The following CFAP46 variants were observed in gnomAD, a reference collection of about 807,000 sequenced individuals.
CFAP46 encodes cilia- and flagella-associated protein 46.
A neutral mutation model predicts 325.7 loss-of-function variants in CFAP46; 245 were observed. The ratio of observed to expected loss-of-function variants is 0.75; its 90% CI spans 0.68 to 0.84. CFAP46 has a LOEUF of 0.84. Ranked by LOEUF, CFAP46 falls within the 40% of genes least tolerant of loss-of-function variation. The probability of loss-of-function intolerance (pLI) is 0.00; values close to 1 mark genes in which losing one functional copy is unlikely to be tolerated. For synonymous variants in CFAP46, 1,523 were observed against 1,495.9 expected (o/e 1.02, Z -0.42); for missense variants, 3,346 against 3,543.0 (o/e 0.94, Z 1.41).
Position 132,822,394 on chromosome 10 carries a change from CTGA to C in CFAP46, c.7118-7483_7118-7481del, listed in dbSNP as rs372767615. Among the ~76,000 whole-genome samples the C allele has an allele frequency of 3.6e-3, 471 of 130,664 alleles. No homozygotes were observed. The South Asian group carries it at 0.047, about 13-fold the overall frequency. The allele number at this position is 130,664 out of a possible 152,430, so 85.7% of individuals were successfully genotyped here. Reference sequence around the variant, plus strand: ...TGTGCTGTGTGTGTGCTGATGTGTGCTGATGTGTGCACTGTATGCTGTGTGTGT... The same window carrying C: ...TGTGCTGTGTGTGTGCTGATGTGTGCTGTGTGCACTGTATGCTGTGTGTGT... On this transcript the variant is annotated intron_variant, in intron 50 of 57. Coordinates refer to ENST00000368586, the MANE Select transcript of CFAP46 (RefSeq NM_001200049.3).
intron 40 of CFAP46, 45 bp from the exon 41 acceptor site, chr10:132,850,477 C>A: frequency 6.7e-7 from 1 of 1,489,940 alleles, no homozygotes; most frequent in Non-Finnish European, 9.0e-7. Context: ...CAAGGGCAAC[C>A]GCCCACCCTG....
chr10:132,912,313 TCTC>T (rs1411709449), intron 19 of CFAP46, among the ~76,000 whole-genome samples: 3 of 84,196 alleles, frequency 3.6e-5, no homozygotes, highest in Non-Finnish European at 6.5e-5. Flanking sequence ...CTTTCTCCTG[TCTC>T]TTCTCCTCTC....
rs562945134 is a variant in CFAP46, at chr10:132,810,117, A to G, written c.7664+292T>C. 6.0e-4 allele frequency among the ~76,000 whole-genome samples: 91 copies of G among 152,320 alleles called. 1 individual carries two copies. Among genetic ancestry groups the G allele is most frequent in the African/African-American group, 2.0e-3 (82 of 41,582 alleles). On this transcript the variant is annotated intron_variant, in intron 57 of 57. Coordinates refer to ENST00000368586, the MANE Select transcript of CFAP46 (RefSeq NM_001200049.3). ...GGGGATTGTGTGACTGGAGCTGTCAACGAGGAACCGTGATGCTTTCCCTCT... is the reference window on the plus strand; with the variant it reads ...GGGGATTGTGTGACTGGAGCTGTCAGCGAGGAACCGTGATGCTTTCCCTCT...
At chr10:132,855,160 G>A (rs73391281) in intron 39 of CFAP46, among the ~76,000 whole-genome samples, 12,097 of 95,326 alleles carry the variant, frequency 0.13, 1,234 homozygotes, top group African/African-American at 0.37. Context: ...CTATTTCTCC[G>A]TTGCAATTTT....
chr10:132,917,098 C>T (rs753620218), intron 16 of CFAP46, among the ~76,000 whole-genome samples: 9 of 152,242 alleles, frequency 5.9e-5, no homozygotes, highest in Admixed American at 2.0e-4. Flanking sequence ...GCCCCGTGGC[C>T]GCCGCTGGCT....
chr10:132,838,889 G>A (rs977869675), intron 44 of CFAP46, among the ~76,000 whole-genome samples: 2 of 152,252 alleles, frequency 1.3e-5, no homozygotes, highest in African/African-American at 2.4e-5. Flanking sequence ...CCCACTGGCC[G>A]TGTCCTCCTT....
rs1565028960 is a variant in CFAP46, at chr10:132,808,539, C to CGACGCA, written c.8024_8029dup (p.Leu2675_Arg2676dup). On this transcript the variant is annotated inframe_insertion, in exon 58 of 58. Coordinates refer to ENST00000368586, the MANE Select transcript of CFAP46 (RefSeq NM_001200049.3). This position sits in a 1 kb window ranked among gnomAD's most constrained non-coding sequence, Gnocchi z 6.8. Reference sequence around the variant, plus strand: ...CCGGGAAGAGACGCAGCTCCAGCCCCGACGCAGACCCCATGGCGCACACAG... The same window carrying CGACGCA: ...CCGGGAAGAGACGCAGCTCCAGCCCCGACGCAGACGCAGACCCCATGGCGCACACAG... 1 of 1,613,024 alleles carries CGACGCA rather than the reference C, an allele frequency of 6.2e-7. No individual in the cohort carries two copies. The highest frequency in any genetic ancestry group is 1.1e-5 in the South Asian group (1 of 91,074).
chr10:132,835,884 C>G (rs1172267085), intron 46 of CFAP46, among the ~76,000 whole-genome samples: 1 of 127,510 alleles, frequency 7.8e-6, no homozygotes, highest in Non-Finnish European at 1.7e-5. Flanking sequence ...CGCCCCTGCT[C>G]CCCCTTCCCC....
chr10:132,863,723 T>G (rs191842715), intron 35 of CFAP46, among the ~76,000 whole-genome samples: 1,325 of 88,310 alleles, frequency 0.015, 12 homozygotes, highest in South Asian at 0.062. Flanking sequence ...AGACCTGCAC[T>G]CACCTGTCCC....
rs1222096570 is a variant in CFAP46, at chr10:132,825,786, T to A, written c.7117+7572A>T. Among the ~76,000 whole-genome samples the A allele has an allele frequency of 2.0e-5, 3 of 151,986 alleles. No homozygotes were observed. In the East Asian group the frequency reaches 5.8e-4, roughly 30 times the overall value. On this transcript the variant is annotated intron_variant, in intron 50 of 57. Transcript: ENST00000368586. ...CAAACCTCAAAGAACAAAACCCAGA[T>A]AACCCCACAGAAGAACCGGTGAGAG...
At chr10:132,873,248 G>A (rs1445711732) in intron 31 of CFAP46, among the ~76,000 whole-genome samples, 1 of 152,228 alleles carries the variant, frequency 6.6e-6, no homozygotes, top group Non-Finnish European at 1.5e-5. Flanking sequence ...GACTTGGTTT[G>A]TTAAAACCAT....
rs546050215 is a variant in CFAP46, at chr10:132,918,658, G to A, written c.1859-138C>T. The A allele has an allele frequency of 4.5e-5, 53 of 1,175,832 alleles. 1 individual carries two copies. Among genetic ancestry groups the A allele is most frequent in the South Asian group, 2.7e-4 (14 of 51,528 alleles). 72.8% of individuals were successfully genotyped at this position (1,175,832 alleles called of 1,614,324 possible). A position where few individuals can be genotyped will look rare whatever the true frequency, so the allele number is the denominator to read the frequency against. Reference sequence around the variant, plus strand: ...GGTCCGCCAAGGTGGGCGGGTAGGCGGGAGGTGGGCAGCTTGCCCAGGAAG... The same window carrying A: ...GGTCCGCCAAGGTGGGCGGGTAGGCAGGAGGTGGGCAGCTTGCCCAGGAAG... On this transcript the variant is annotated intron_variant, in intron 15 of 57. Coordinates refer to ENST00000368586, the MANE Select transcript of CFAP46 (RefSeq NM_001200049.3).
At position 132,812,974 on chromosome 10, in the gene CFAP46, C is replaced by A. The variant is rs188788935; in HGVS notation, c.7389-77G>T. The A allele has an allele frequency of 6.0e-5, 68 of 1,138,616 alleles. 1 individual carries two copies. In the Admixed American group the frequency reaches 1.3e-3, roughly 21 times the overall value. The allele number at this position is 1,138,616 out of a possible 1,614,324, so 70.5% of individuals were successfully genotyped here. ...CCCCACCGTGCGTTCTTAAAGCAGG[C>A]CACATCCTGCGTGGTCCACGCCTGT... On this transcript the variant is annotated intron_variant, in intron 54 of 57. Coordinates refer to ENST00000368586, the MANE Select transcript of CFAP46 (RefSeq NM_001200049.3).
chr10:132,913,043 C>T lies in CFAP46; in HGVS notation c.2333+3G>A, dbSNP rs1849578233. 1.9e-6 allele frequency: 3 copies of T among 1,549,346 alleles called. No individual in the cohort carries two copies. Among genetic ancestry groups the T allele is most frequent in the Middle Eastern group, 1.8e-4 (1 of 5,478 alleles). On this transcript the variant is annotated splice_donor_region_variant and intron_variant, in intron 18 of 57. Transcript: ENST00000368586. ...GCGTGAACGCAGCACAGCCCACACGCACCCACTGTGGCCTGTGGCCTTAAC... is the reference window on the plus strand; with the variant it reads ...GCGTGAACGCAGCACAGCCCACACGTACCCACTGTGGCCTGTGGCCTTAAC...
intron 53 of CFAP46, among the ~76,000 whole-genome samples, 159 bp downstream of exon 53, chr10:132,814,418 C>T (rs893932110): frequency 2.6e-5 from 4 of 152,212 alleles, no homozygotes; most frequent in Non-Finnish European, 4.4e-5. Flanking sequence ...AGAGAGAAAA[C>T]CTCAACAAAT....
At chr10:132,835,519 G>T in intron 46 of CFAP46, 85 bp from the exon 47 acceptor site, 1 of 1,533,496 alleles carries the variant, frequency 6.5e-7, no homozygotes, top group Non-Finnish European at 8.9e-7. Context: ...TGGGAAAAGG[G>T]CTGCTGTCCC....
At chr10:132,809,185 G>T (rs896726935) in intron 57 of CFAP46, among the ~76,000 whole-genome samples, 5 of 152,124 alleles carry the variant, frequency 3.3e-5, no homozygotes, top group Middle Eastern at 3.4e-3. Context: ...CTGCTCTGCT[G>T]GGGGGGCGCC....
rs183313548 is a variant in CFAP46 at position 132,852,605 on chromosome 10, C to T, written c.5575-1300G>A. ...CTATTCTCAGATCCTGATCCACAGA[C>T]GCGGTCTGTTTCTCCATTTACTTAG... On this transcript the variant is annotated intron_variant, in intron 39 of 57. Transcript: ENST00000368586. Among the ~76,000 whole-genome samples the T allele has an allele frequency of 9.4e-4, 143 of 152,364 alleles. 1 individual carries two copies. Among genetic ancestry groups the T allele is most frequent in the Admixed American group, 4.8e-3 (73 of 15,310 alleles).
In CFAP46 at chr10:132,836,854, T is replaced by C. The variant is rs890786125; in HGVS notation, c.6499A>G (p.Thr2167Ala). The change falls in exon 45 of 58, where the codon ACC becomes GCC. Residue 2167 changes from threonine (T) to alanine (A), a missense_variant. Coordinates refer to ENST00000368586, the MANE Select transcript of CFAP46 (RefSeq NM_001200049.3). ...HFNLLNEMPPTFWILFLHLSG... is the reference protein window; with the variant it reads ...HFNLLNEMPPAFWILFLHLSG... ...AGGTGCAGAAAGAGGATCCAAAAGG[T>C]CGGAGGCATCTCATTCAAGAGGTTA... 12 of 1,613,702 alleles carry C rather than the reference T, an allele frequency of 7.4e-6. No homozygotes were observed. The African/African-American group carries it at 1.3e-4, about 18-fold the overall frequency.
Sources: allele counts gnomAD v4.1 joint callset (sites outside exome capture counted in the v4.1 genomes callset), GRCh38; gene constraint gnomAD v4.1.1; non-coding constraint Gnocchi (gnomAD v3.1); transcripts MANE v1.5; gene names NCBI Gene and HGNC (gene_info 2026-07-23, HGNC 2026-07-21).